The following FAAH2 variants were observed in gnomAD, a reference collection of about 807,000 sequenced individuals.
The protein encoded by FAAH2 is fatty-acid amide hydrolase 2.
FAAH2 carries 60 observed loss-of-function variants against 36.9 expected under a neutral mutation model. The observed-to-expected ratio is 1.63, with a 90% CI of 1.32 to 2.02. FAAH2 has a LOEUF of 2.02. Ranked by LOEUF, FAAH2 falls within the 30% of genes most tolerant of loss-of-function variation. The pLI, the probability that FAAH2 is intolerant of heterozygous loss-of-function variation, is 0.00. For missense variants in FAAH2, 689 were observed against 397.5 expected, an observed-to-expected ratio of 1.73 and a Z score of -6.23; for synonymous variants, 214 against 143.8, an observed-to-expected ratio of 1.49 and a Z score of -3.49.
At chrX:57,305,985 T>C (rs1214285378) in intron 2 of FAAH2, among the ~76,000 whole-genome samples, 2 of 112,065 alleles carry the variant, frequency 1.8e-5, no homozygotes, top group African/African-American at 3.2e-5. Flanking sequence ...GAGGCTCACA[T>C]CCAGAGAAGC....
intron 5 of FAAH2, among the ~76,000 whole-genome samples, chrX:57,356,679 G>T (rs901906487): frequency 9.1e-6 from 1 of 110,032 alleles, no homozygotes; most frequent in South Asian, 3.8e-4. Context: ...TGTCAATTTT[G>T]TTGATATCTT....
chrX:57,190,198 T>A, the FAAH2 span, among the ~76,000 whole-genome samples: 1 of 109,818 alleles, frequency 9.1e-6, no homozygotes, highest in South Asian at 3.9e-4. Context: ...TCCTTAGCGC[T>A]GTCACGGGAA....
intron 3 of FAAH2, among the ~76,000 whole-genome samples, chrX:57,328,287 G>C (rs189979328): frequency 2.8e-3 from 312 of 110,787 alleles, no homozygotes; most frequent in African/African-American, 9.9e-3. Flanking sequence ...TCGGGGGTCA[G>C]GACCCACTTG....
At chrX:57,407,244 C>T (rs1367222810) in intron 7 of FAAH2, among the ~76,000 whole-genome samples, 31 of 111,701 alleles carry the variant, frequency 2.8e-4, no homozygotes, top group Admixed American at 2.6e-3. Flanking sequence ...AGCTGAGATT[C>T]CATGGGCAAG....
intron 2 of FAAH2, among the ~76,000 whole-genome samples, chrX:57,302,044 A>T (rs2052387333): frequency 9.0e-6 from 1 of 111,646 alleles, no homozygotes; most frequent in Non-Finnish European, 1.9e-5. Context: ...CTAGTTTTAG[A>T]CTTTGCTCCC....
chrX:57,344,015 G>A (rs1414763236), intron 5 of FAAH2, among the ~76,000 whole-genome samples: 2 of 110,236 alleles, frequency 1.8e-5, no homozygotes, highest in Admixed American at 9.7e-5. Context: ...TACATTAGTC[G>A]TACAATACAG....
intron 5 of FAAH2, among the ~76,000 whole-genome samples, chrX:57,374,562 T>C (rs190814660): frequency 1.7e-3 from 188 of 112,183 alleles, no homozygotes; most frequent in African/African-American, 6.0e-3. Context: ...TAATTTCGTA[T>C]CCTGAAACTT....
chrX:57,184,770 GA>G, the FAAH2 span, among the ~76,000 whole-genome samples: 1 of 111,830 alleles, frequency 8.9e-6, no homozygotes, highest in African/African-American at 3.2e-5. Context: ...AACACTTGAA[GA>G]AAAAATAACC....
At chrX:57,157,576 CCT>C in the FAAH2 span, among the ~76,000 whole-genome samples, 1 of 111,260 alleles carries the variant, frequency 9.0e-6, no homozygotes, top group Non-Finnish European at 1.9e-5. Context: ...TTCTGGCTGC[CCT>C]GTTTTAGATT....
chrX:57,443,830 ACAGT>A (rs2056616144), intron 8 of FAAH2, among the ~76,000 whole-genome samples: 1 of 112,033 alleles, frequency 8.9e-6, no homozygotes, highest in Non-Finnish European at 1.9e-5. Context: ...TTTCCTTCTA[ACAGT>A]CAGGACCCTC....
the FAAH2 span, among the ~76,000 whole-genome samples, chrX:57,170,480 GGT>G: frequency 9.0e-6 from 1 of 110,677 alleles, no homozygotes; most frequent in African/African-American, 3.3e-5. Context: ...AGTGGTTTTT[GGT>G]TACATGAATT....
intron 7 of FAAH2, chrX:57,381,603 G>C: frequency 1.9e-5 from 11 of 574,783 alleles, no homozygotes; most frequent in Non-Finnish European, 1.9e-5. Flanking sequence ...ATGGTAAAGG[G>C]ATCAATTCAA....
chrX:57,224,069 T>C, the FAAH2 span, among the ~76,000 whole-genome samples: 3 of 111,792 alleles, frequency 2.7e-5, no homozygotes, highest in Admixed American at 2.8e-4. Flanking sequence ...ATAGTCCCTT[T>C]GAAATCATAT....
chrX:57,476,694 G>A (rs903044597), intron 10 of FAAH2, among the ~76,000 whole-genome samples: 1 of 111,328 alleles, frequency 9.0e-6, no homozygotes, highest in African/African-American at 3.3e-5. Context: ...GAAGATGCTG[G>A]CCTCATAAGA....
At chrX:57,184,456 T>G in the FAAH2 span, among the ~76,000 whole-genome samples, 8,724 of 112,004 alleles carry the variant, frequency 0.078, 862 homozygotes, top group African/African-American at 0.27. Flanking sequence ...CTGTCTCTCT[T>G]TATTTCTCAG....
intron 7 of FAAH2, among the ~76,000 whole-genome samples, chrX:57,410,999 T>C (rs919642641): frequency 1.8e-5 from 2 of 111,951 alleles, no homozygotes; most frequent in Non-Finnish European, 3.8e-5. Context: ...CTTGATCCTT[T>C]ATGTTCCTTG....
At chrX:57,306,692 G>GTGTA (rs1321457359) in intron 2 of FAAH2, among the ~76,000 whole-genome samples, 1 of 9,962 alleles carries the variant, frequency 1.0e-4, no homozygotes, top group African/African-American at 1.6e-4. Flanking sequence ...GCAACATCTT[G>GTGTA]TGTGTGTGTG....
At position 57,394,940 on chromosome X, in the gene FAAH2, C is replaced by T. The variant is rs2055257271; in HGVS notation, c.996+13911C>T. ...AGCATGCCTTCTGGCAATCTGCACC[C>T]CTGTCTCTTTCATGAGTTCCAAGCA... On this transcript the variant is annotated intron_variant, in intron 7 of 10. Coordinates refer to ENST00000374900, the MANE Select transcript of FAAH2 (RefSeq NM_174912.4). 9.8e-6 allele frequency: 6 copies of T among 614,526 alleles called. No individual in the cohort carries two copies. In the Admixed American group the frequency reaches 1.1e-4, roughly 11 times the overall value. 50.6% of individuals were successfully genotyped at this position (614,526 alleles called of 1,213,427 possible).
chrX:57,220,918 C>T, the FAAH2 span, among the ~76,000 whole-genome samples: 1 of 112,089 alleles, frequency 8.9e-6, no homozygotes, highest in African/African-American at 3.2e-5. Context: ...AATGATGGTG[C>T]CCTGGAACAG....
Sources: gnomAD v4.1 joint callset for allele counts (sites outside exome capture counted in the v4.1 genomes callset) on GRCh38, gnomAD v4.1.1 for gene constraint, MANE v1.5 for transcripts, NCBI Gene and HGNC (gene_info 2026-07-23, HGNC 2026-07-21) for gene names.